The following KCNH7 variants were observed in gnomAD, a reference collection of about 807,000 sequenced individuals.
KCNH7 encodes voltage-gated inwardly rectifying potassium channel KCNH7.
A neutral mutation model predicts 120.8 loss-of-function variants in KCNH7; 49 were observed. The ratio of observed to expected loss-of-function variants is 0.41; its 90% CI spans 0.32 to 0.51. KCNH7 has a LOEUF of 0.51. KCNH7 is among the 20% of genes least tolerant of loss of function. The pLI, the probability that KCNH7 is intolerant of heterozygous loss-of-function variation, is 0.38. For synonymous variants in KCNH7, 547 were observed against 516.1 expected (o/e 1.06, Z -0.81); for missense variants, 1,097 against 1,446.6 (o/e 0.76, Z 3.92).
At chr2:162,721,656 A>G (rs2105374409) in intron 2 of KCNH7, among the ~76,000 whole-genome samples, 1 of 152,254 alleles carries the variant, frequency 6.6e-6, no homozygotes, top group East Asian at 1.9e-4. Flanking sequence ...AATAACATGT[A>G]ATTAGTATGC....
intron 2 of KCNH7, among the ~76,000 whole-genome samples, chr2:162,624,638 T>C (rs568487769): frequency 1.8e-4 from 27 of 152,260 alleles, no homozygotes; most frequent in African/African-American, 5.5e-4. Context: ...AGACACGTCC[T>C]TACTCATTTT....
intron 11 of KCNH7, 30 bp from the exon 12 acceptor site, chr2:162,394,515 A>G: frequency 7.9e-7 from 1 of 1,260,050 alleles, no homozygotes; most frequent in Non-Finnish European, 1.2e-6. Context: ...AGATAAAATG[A>G]AAGATTACTG....
chr2:162,383,229 T>C (rs1035021646), intron 13 of KCNH7, among the ~76,000 whole-genome samples: 7 of 152,118 alleles, frequency 4.6e-5, no homozygotes, highest in Non-Finnish European at 7.4e-5. Flanking sequence ...CCTTTGGAGA[T>C]AGCAGAGATG....
intron 2 of KCNH7, among the ~76,000 whole-genome samples, chr2:162,749,437 C>T (rs904909066): frequency 6.6e-6 from 1 of 152,082 alleles, no homozygotes; most frequent in Non-Finnish European, 1.5e-5. Flanking sequence ...AAAATCTCTG[C>T]TCTTGTGGGG....
intron 2 of KCNH7, among the ~76,000 whole-genome samples, chr2:162,760,963 A>G (rs1688948108): frequency 6.6e-6 from 1 of 152,100 alleles, no homozygotes; most frequent in African/African-American, 2.4e-5. Flanking sequence ...CAATTGCTCT[A>G]TCATTCTAGT....
At chr2:162,542,256 T>G (rs142185469) in intron 2 of KCNH7, among the ~76,000 whole-genome samples, 2,312 of 151,582 alleles carry the variant, frequency 0.015, 58 homozygotes, top group African/African-American at 0.053. Context: ...TTTTTATTAT[T>G]ATTATTATTA....
At chr2:162,654,169 T>A (rs1684664594) in intron 2 of KCNH7, among the ~76,000 whole-genome samples, 1 of 148,072 alleles carries the variant, frequency 6.8e-6, no homozygotes, top group African/African-American at 2.5e-5. Flanking sequence ...AAAAAAAAGC[T>A]CATACATAAC....
chr2:162,531,506 T>C (rs952982839), intron 3 of KCNH7, among the ~76,000 whole-genome samples: 12 of 151,952 alleles, frequency 7.9e-5, no homozygotes, highest in Admixed American at 5.3e-4. Flanking sequence ...TCATGACAAA[T>C]AGAGGTTGAC....
chr2:162,372,142 A>G, intron 15 of KCNH7, 47 bp from the exon 16 acceptor site: 1 of 1,439,328 alleles, frequency 6.9e-7, no homozygotes, highest in Non-Finnish European at 9.6e-7. Flanking sequence ...ACATTGATAG[A>G]TAGTCATTGA....
At chr2:162,430,391 A>C (rs1213359896) in intron 8 of KCNH7, among the ~76,000 whole-genome samples, 1 of 151,982 alleles carries the variant, frequency 6.6e-6, no homozygotes, top group Non-Finnish European at 1.5e-5. Context: ...AGGTTTCTGG[A>C]GCTTTTCTTT....
At chr2:162,783,024 C>T (rs1413450313) in intron 2 of KCNH7, among the ~76,000 whole-genome samples, 1 of 152,146 alleles carries the variant, frequency 6.6e-6, no homozygotes, top group East Asian at 1.9e-4. Context: ...CCTAGCCTGT[C>T]CTAACTCTTC....
chr2:162,432,694 C>G (rs1688109919), intron 8 of KCNH7, among the ~76,000 whole-genome samples: 1 of 151,834 alleles, frequency 6.6e-6, no homozygotes, highest in Non-Finnish European at 1.5e-5. Flanking sequence ...TGTTGCAAAC[C>G]CACAGCCAAT....
At chr2:162,436,193 C>T (rs111357270) in intron 7 of KCNH7, among the ~76,000 whole-genome samples, 1,864 of 152,088 alleles carry the variant, frequency 0.012, 12 homozygotes, top group Admixed American at 0.017. Context: ...AAAATGAAGA[C>T]CAAGAAGGGC....
At chr2:162,700,677 G>A (rs1312631301) in intron 2 of KCNH7, among the ~76,000 whole-genome samples, 4 of 152,128 alleles carry the variant, frequency 2.6e-5, no homozygotes, top group Non-Finnish European at 5.9e-5. Context: ...CTTCTTTGAA[G>A]CTAACAGAAT....
intron 2 of KCNH7, among the ~76,000 whole-genome samples, chr2:162,667,745 CT>C (rs1254012415): frequency 3.3e-5 from 5 of 152,114 alleles, no homozygotes; most frequent in African/African-American, 9.7e-5. Flanking sequence ...ACTACATCAC[CT>C]TGCTTTATTT....
intron 6 of KCNH7, among the ~76,000 whole-genome samples, chr2:162,468,328 T>G (rs1442714108): frequency 6.7e-6 from 1 of 148,720 alleles, no homozygotes; most frequent in African/African-American, 2.6e-5. Context: ...CTCAATACAA[T>G]CTGACCTATG....
At chr2:162,390,269 CAT>C (rs1553470401) in intron 12 of KCNH7, among the ~76,000 whole-genome samples, 118 of 149,954 alleles carry the variant, frequency 7.9e-4, no homozygotes, top group Admixed American at 5.9e-3. Flanking sequence ...CACACACACA[CAT>C]ATTTATATAT....
chr2:162,791,360 T>C (rs1251104512), intron 2 of KCNH7, among the ~76,000 whole-genome samples: 1 of 152,168 alleles, frequency 6.6e-6, no homozygotes, highest in East Asian at 1.9e-4. Context: ...ATTGAATTTC[T>C]AAATTGCTTT....
chr2:162,680,821 G>C (rs898713345), intron 2 of KCNH7, among the ~76,000 whole-genome samples: 13 of 151,612 alleles, frequency 8.6e-5, no homozygotes, highest in African/African-American at 2.9e-4. Flanking sequence ...AAAAATTAAA[G>C]AGCTAATACT....
Sources: allele counts gnomAD v4.1 joint callset (sites outside exome capture counted in the v4.1 genomes callset), GRCh38; gene constraint gnomAD v4.1.1; transcripts MANE v1.5; gene names NCBI Gene and HGNC (gene_info 2026-07-23, HGNC 2026-07-21).